The following PDE1C variants were observed in gnomAD, a reference collection of about 807,000 sequenced individuals.
PDE1C encodes phosphodiesterase 1C.
PDE1C carries 62 observed loss-of-function variants against 93.1 expected under a neutral mutation model. That is an observed-to-expected ratio of 0.67 (90% CI 0.54 to 0.82). The LOEUF (loss-of-function observed/expected upper bound fraction) is 0.82. Ranked by LOEUF, PDE1C falls within the 40% of genes least tolerant of loss-of-function variation. The pLI is 0.00. For missense variants in PDE1C, 742 were observed against 884.6 expected, an observed-to-expected ratio of 0.84 and a Z score of 2.04; for synonymous variants, 325 against 310.1, an observed-to-expected ratio of 1.05 and a Z score of -0.50.
Position 32,153,972 on chromosome 7 carries a change from G to A in PDE1C, c.308+15813C>T, listed in dbSNP as rs555114177. 5.3e-5 allele frequency among the ~76,000 whole-genome samples: 8 copies of A among 152,288 alleles called. No homozygotes were observed. The South Asian group carries it at 1.2e-3, about 24-fold the overall frequency. On this transcript the variant is annotated intron_variant, in intron 3 of 18. Transcript: ENST00000396193. ...TATTTTATAATTTTTAAAAAAGTAC[G>A]GCCAGGCGCAATGGCTTATGCCCTT...
the PDE1C span, among the ~76,000 whole-genome samples, chr7:31,725,948 A>T: frequency 6.6e-6 from 1 of 152,236 alleles, no homozygotes; most frequent in African/African-American, 2.4e-5. Flanking sequence ...ATCCCAAAAA[A>T]TAGGAAGAAA....
At chr7:32,385,554 T>A (rs1210758145) in intron 1 of PDE1C, among the ~76,000 whole-genome samples, 2 of 152,124 alleles carry the variant, frequency 1.3e-5, no homozygotes. Context: ...GAGAGCTCTC[T>A]CACAGAAGCT....
At position 32,336,840 on chromosome 7, in the gene PDE1C, A is replaced by G. The variant is rs192294555; in HGVS notation, c.310+90982T>C. 3.3e-5 allele frequency among the ~76,000 whole-genome samples: 5 copies of G among 152,332 alleles called. No homozygotes were observed. In the East Asian group the frequency reaches 9.7e-4, roughly 29 times the overall value. ...GAGAAAAGAGAATTCCCTAGAGGCA[A>G]GTAAGGAACTGCCTAATGCAGTTCT... On this transcript the variant is annotated intron_variant, in intron 1 of 1. Coordinates refer to the PDE1C transcript ENST00000672256.
intron 1 of PDE1C, among the ~76,000 whole-genome samples, chr7:32,307,046 A>T (rs1299323753): frequency 6.6e-6 from 1 of 152,224 alleles, no homozygotes; most frequent in Non-Finnish European, 1.5e-5. Flanking sequence ...CCTGGAGAGG[A>T]TTCAGACCTT....
At chr7:31,849,978 A>C (rs1481640881) in intron 8 of PDE1C, among the ~76,000 whole-genome samples, 1 of 152,092 alleles carries the variant, frequency 6.6e-6, no homozygotes. Flanking sequence ...AAATCAACTA[A>C]CAGTATCTGT....
chr7:32,063,971 A>T (rs886446729), intron 1 of PDE1C, among the ~76,000 whole-genome samples: 1 of 152,252 alleles, frequency 6.6e-6, no homozygotes, highest in African/African-American at 2.4e-5. Context: ...AGCACCTAGT[A>T]CATAATGGAA....
At chr7:31,683,227 CA>C in the PDE1C span, among the ~76,000 whole-genome samples, 1 of 152,006 alleles carries the variant, frequency 6.6e-6, no homozygotes, top group African/African-American at 2.4e-5. Flanking sequence ...ATGTCACCAT[CA>C]GGGGAAACTG....
At chr7:31,770,151 T>C (rs1179574039) in intron 17 of PDE1C, among the ~76,000 whole-genome samples, 3 of 152,258 alleles carry the variant, frequency 2.0e-5, no homozygotes, top group Admixed American at 2.0e-4. Context: ...TTGTATTTCC[T>C]TAATGACTAA....
intron 2 of PDE1C, among the ~76,000 whole-genome samples, chr7:32,016,686 A>C (rs1045473368): frequency 6.6e-6 from 1 of 152,230 alleles, no homozygotes; most frequent in African/African-American, 2.4e-5. Flanking sequence ...CATTAAGAAT[A>C]ATGCTTTAGA....
intron 2 of PDE1C, among the ~76,000 whole-genome samples, chr7:31,971,781 T>C (rs934030373): frequency 6.6e-6 from 1 of 152,160 alleles, no homozygotes; most frequent in African/African-American, 2.4e-5. Flanking sequence ...TCCTCCAAGG[T>C]ATGTTTTCTG....
intron 2 of PDE1C, among the ~76,000 whole-genome samples, chr7:32,024,503 AAG>A (rs969824314): frequency 5.9e-5 from 9 of 151,968 alleles, no homozygotes; most frequent in African/African-American, 2.2e-4. Context: ...AAAAAGAAAA[AAG>A]AAAAATAAAA....
chr7:31,758,002 A>G (rs1332682478), intron 17 of PDE1C, among the ~76,000 whole-genome samples: 2 of 152,214 alleles, frequency 1.3e-5, no homozygotes, highest in Non-Finnish European at 2.9e-5. Context: ...TTGTAGGGAC[A>G]TGGATGAAGC....
chr7:31,790,121 T>C, intron 16 of PDE1C: 1 of 1,560,418 alleles, frequency 6.4e-7, no homozygotes, highest in Non-Finnish European at 8.6e-7. Context: ...GGGCTTGTGT[T>C]TGAAAGTTGT....
intron 2 of PDE1C, among the ~76,000 whole-genome samples, chr7:31,947,040 G>A (rs370635789): frequency 1.3e-5 from 2 of 152,254 alleles, no homozygotes; most frequent in South Asian, 4.2e-4. Flanking sequence ...AAATTCCTCT[G>A]GTGGTCTTTG....
At chr7:32,245,860 T>C (rs1277046973) in intron 1 of PDE1C, among the ~76,000 whole-genome samples, 4 of 152,108 alleles carry the variant, frequency 2.6e-5, no homozygotes, top group Non-Finnish European at 5.9e-5. Context: ...GTCACTAATC[T>C]CAACCACAAG....
chr7:32,093,836 G>A lies in PDE1C; in HGVS notation c.308+75949C>T, dbSNP rs144948898. ...CGCTGAAAGCTGCTGTGTGCTCTGG[G>A]ACAGTGCTGGCAAGGAGAGCTCTTT... On this transcript the variant is annotated intron_variant, in intron 3 of 18. Coordinates refer to the PDE1C transcript ENST00000396193. Among the ~76,000 whole-genome samples the A allele has an allele frequency of 2.4e-3, 373 of 152,342 alleles. 2 individuals are homozygous for A. The highest frequency in any genetic ancestry group is 8.5e-3 in the African/African-American group (353 of 41,582).
chr7:31,776,996 T>TG (rs561730171), intron 16 of PDE1C, among the ~76,000 whole-genome samples: 2,551 of 72,126 alleles, frequency 0.035, 119 homozygotes, highest in African/African-American at 0.13. Context: ...GTTTGTGGGG[T>TG]GGGGGGAGGG....
chr7:31,823,235 T>C lies in PDE1C; in HGVS notation c.1420A>G (p.Ser474Gly). 6.2e-7 allele frequency: 1 copy of C among 1,607,598 alleles called. No homozygotes were observed. Among genetic ancestry groups the C allele is most frequent in the Non-Finnish European group, 8.5e-7 (1 of 1,177,956 alleles). ...GQRRSSLNSI[S>G]SSDAKRSGVK... ...CCTGATCGCTTGGCATCTGACGAGC[T>C]GATGCTATTCAAACTGGAAAACAAA... is the stretch of plus-strand genomic sequence containing the variant. The change falls in exon 14 of 18, where the codon AGC becomes GGC. Residue 474 changes from serine to glycine, a missense_variant. By Grantham distance (56) the Ser-to-Gly change is moderately conservative (BLOSUM62 0). Transcript: ENST00000396191.
At chr7:31,775,640 A>C (rs777587411) in intron 17 of PDE1C, 24 bp downstream of exon 17, 1 of 1,601,608 alleles carries the variant, frequency 6.2e-7, no homozygotes, top group Non-Finnish European at 8.5e-7. Flanking sequence ...TCACTAAGAT[A>C]ATGGTGCAAT....
Sources: gnomAD v4.1 joint callset for allele counts (sites outside exome capture counted in the v4.1 genomes callset) on GRCh38, gnomAD v4.1.1 for gene constraint, MANE v1.5 for transcripts, NCBI Gene and HGNC (gene_info 2026-07-23, HGNC 2026-07-21) for gene names.